The following INPP5F variants were observed in gnomAD, a reference collection of about 807,000 sequenced individuals.
The protein encoded by INPP5F is phosphatidylinositide 4-phosphatase SAC2.
In INPP5F, 97 loss-of-function variants were observed where a neutral mutation model predicts 137.2. The observed-to-expected ratio is 0.71, with a 90% CI of 0.60 to 0.84. The LOEUF (loss-of-function observed/expected upper bound fraction) is 0.84, where lower values mean the gene tolerates loss of function less well. Ranked by LOEUF, INPP5F falls within the 40% of genes least tolerant of loss-of-function variation. INPP5F has a pLI of 0.00. For synonymous variants in INPP5F, 504 were observed against 476.9 expected, an observed-to-expected ratio of 1.06 and a Z score of -0.74; for missense variants, 1,271 against 1,371.9, an observed-to-expected ratio of 0.93 and a Z score of 1.16.
intron 1 of INPP5F, among the ~76,000 whole-genome samples, chr10:119,733,867 A>T (rs1848153178): frequency 6.6e-6 from 1 of 152,028 alleles, no homozygotes; most frequent in Admixed American, 6.6e-5. Context: ...AGAGGATGAG[A>T]CTCACTGCTG....
chr10:119,753,376 A>G (rs1470168020), intron 2 of INPP5F, among the ~76,000 whole-genome samples: 1 of 152,236 alleles, frequency 6.6e-6, no homozygotes, highest in Non-Finnish European at 1.5e-5. Flanking sequence ...TTGTTATGTA[A>G]CAAGCCAGTC....
chr10:119,752,585 CAA>C (rs1295801342), intron 2 of INPP5F, among the ~76,000 whole-genome samples: 10 of 61,470 alleles, frequency 1.6e-4, no homozygotes, highest in Admixed American at 1.9e-4. Flanking sequence ...AACTCCATCT[CAA>C]AAAAAAAAAA....
chr10:119,754,260 C>T (rs760854010), intron 2 of INPP5F, among the ~76,000 whole-genome samples: 7 of 152,224 alleles, frequency 4.6e-5, no homozygotes, highest in Non-Finnish European at 1.0e-4. Context: ...AGGGTTTGGA[C>T]TTGGCAGACA....
At chr10:119,781,402 G>A (rs942871767) in intron 2 of INPP5F, among the ~76,000 whole-genome samples, 3 of 152,222 alleles carry the variant, frequency 2.0e-5, no homozygotes, top group African/African-American at 7.2e-5. Context: ...TCTGATGGGT[G>A]AGCATGGTGT....
At chr10:119,826,156 T>C in intron 19 of INPP5F, 3 of 396,516 alleles carry the variant, frequency 7.6e-6, no homozygotes, top group Non-Finnish European at 1.3e-5. Flanking sequence ...AGAGATGTCT[T>C]TGCTGATTGT....
chr10:119,778,987 C>G (rs1041407908), intron 2 of INPP5F, among the ~76,000 whole-genome samples: 6 of 152,022 alleles, frequency 3.9e-5, no homozygotes, highest in Non-Finnish European at 5.9e-5. Flanking sequence ...TTGTCATTTC[C>G]CCTTCATCTC....
chr10:119,750,782 T>A (rs924654835), intron 1 of INPP5F, among the ~76,000 whole-genome samples: 1 of 152,192 alleles, frequency 6.6e-6, no homozygotes, highest in African/African-American at 2.4e-5. Flanking sequence ...TCTTGTAGTG[T>A]AATGGCCCTG....
intron 7 of INPP5F, among the ~76,000 whole-genome samples, chr10:119,797,117 A>G (rs1850412628): frequency 6.6e-6 from 1 of 152,158 alleles, no homozygotes. Context: ...TGAGAAGGAA[A>G]AGGAGGTACA....
intron 6 of INPP5F, among the ~76,000 whole-genome samples, chr10:119,794,995 T>C (rs1253282326): frequency 1.6e-4 from 14 of 87,272 alleles, no homozygotes; most frequent in Admixed American, 2.5e-4. Context: ...CGCCCCTCAC[T>C]TCCCGGATGG....
At chr10:119,769,584 G>A (rs940238505) in intron 2 of INPP5F, among the ~76,000 whole-genome samples, 1 of 152,182 alleles carries the variant, frequency 6.6e-6, no homozygotes, top group African/African-American at 2.4e-5. Context: ...ATTCTTATCA[G>A]TGTAGGTGAG....
chr10:119,737,592 A>T (rs181593945), intron 1 of INPP5F, among the ~76,000 whole-genome samples: 2 of 152,346 alleles, frequency 1.3e-5, no homozygotes, highest in Admixed American at 1.3e-4. Flanking sequence ...AGCTGCTAGA[A>T]CTTCTAAATT....
At chr10:119,771,876 ATATATATTTTTTTTTTTTTTTTTT>A (rs1849366866) in intron 2 of INPP5F, among the ~76,000 whole-genome samples, 1 of 20,934 alleles carries the variant, frequency 4.8e-5, no homozygotes, top group African/African-American at 2.0e-4. Context: ...ATATATATAT[ATATATATTTTTTTTTTTTTTTTTT>A]TTTTTTTTTT....
chr10:119,793,646 TTTTA>T (rs1178339739), intron 6 of INPP5F: 1 of 152,188 alleles, frequency 6.6e-6, no homozygotes, highest in East Asian at 1.9e-4. Flanking sequence ...GAAATCTTTA[TTTTA>T]TTTATTTGTT....
intron 1 of INPP5F, among the ~76,000 whole-genome samples, chr10:119,745,128 G>T (rs1373863007): frequency 6.6e-6 from 1 of 151,770 alleles, no homozygotes; most frequent in South Asian, 2.1e-4. Flanking sequence ...TGCTGTATAC[G>T]CTATCCTTTC....
intron 2 of INPP5F, among the ~76,000 whole-genome samples, chr10:119,769,009 C>T (rs1046198458): frequency 6.6e-6 from 1 of 152,124 alleles, no homozygotes; most frequent in Admixed American, 6.5e-5. Context: ...ACTAAGAAAG[C>T]AGGGTTTGGA....
At chr10:119,756,528 C>T (rs558730454) in intron 2 of INPP5F, among the ~76,000 whole-genome samples, 35 of 151,766 alleles carry the variant, frequency 2.3e-4, no homozygotes, top group South Asian at 1.0e-3. Context: ...CCCACCTACC[C>T]GGGAGGTTGA....
intron 1 of INPP5F, among the ~76,000 whole-genome samples, chr10:119,747,422 AC>A (rs956829803): frequency 1.3e-5 from 2 of 151,018 alleles, no homozygotes; most frequent in Non-Finnish European, 3.0e-5. Context: ...ATGGGGTTTT[AC>A]CATGTTGGCC....
At chr10:119,816,390 C>A (rs1290057480) in intron 15 of INPP5F, 2 of 152,176 alleles carry the variant, frequency 1.3e-5, no homozygotes, top group African/African-American at 4.8e-5. Context: ...TTCAAAGTAA[C>A]TATTGCGTTT....
At chr10:119,796,380 C>T (rs1446424012) in intron 6 of INPP5F, among the ~76,000 whole-genome samples, 1 of 152,072 alleles carries the variant, frequency 6.6e-6, no homozygotes. Flanking sequence ...CGTGTATTAT[C>T]CATTTAATTT....
Sources: allele counts gnomAD v4.1 joint callset (sites outside exome capture counted in the v4.1 genomes callset), GRCh38; gene constraint gnomAD v4.1.1; transcripts MANE v1.5; gene names NCBI Gene and HGNC (gene_info 2026-07-23, HGNC 2026-07-21).